Variants in CCDC178 observed in about 807,000 individuals in gnomAD.
CCDC178 encodes the protein coiled-coil domain-containing protein 178.
A neutral mutation model predicts 117.4 loss-of-function variants in CCDC178; 126 were observed. The observed-to-expected ratio is 1.07, with a 90% CI of 0.93 to 1.24. The LOEUF (loss-of-function observed/expected upper bound fraction) is 1.24, where lower values mean the gene tolerates loss of function less well. CCDC178 is among the 50% of genes most tolerant of loss of function. CCDC178 has a pLI of 0.00. For synonymous variants in CCDC178, 283 were observed against 313.4 expected (o/e 0.90, Z 1.02); for missense variants, 1,030 against 986.9 (o/e 1.04, Z -0.59).
At chr18:33,383,230 T>C (rs527526424) in intron 5 of CCDC178, among the ~76,000 whole-genome samples, 1 of 152,252 alleles carries the variant, frequency 6.6e-6, no homozygotes, top group East Asian at 1.9e-4. Flanking sequence ...ATCATTTCCC[T>C]GGGAAAGAGC....
intron 20 of CCDC178, among the ~76,000 whole-genome samples, chr18:33,118,516 C>A (rs1478747608): frequency 6.6e-6 from 1 of 152,076 alleles, no homozygotes; most frequent in Non-Finnish European, 1.5e-5. Context: ...TCAAGAACTA[C>A]AAACCACTGC....
chr18:33,046,861 A>C (rs2056653474), intron 21 of CCDC178, among the ~76,000 whole-genome samples: 1 of 152,240 alleles, frequency 6.6e-6, no homozygotes, highest in Admixed American at 6.5e-5. Flanking sequence ...AAGGTAATTT[A>C]AACTTTTATT....
chr18:33,259,223 TTAAG>T (rs2059713899), intron 14 of CCDC178, among the ~76,000 whole-genome samples: 1 of 152,164 alleles, frequency 6.6e-6, no homozygotes, highest in Admixed American at 6.5e-5. Flanking sequence ...AACCACAGAA[TTAAG>T]TTTTTTTGCT....
At chr18:33,317,599 A>G (rs8094552) in intron 11 of CCDC178, among the ~76,000 whole-genome samples, 55,211 of 151,754 alleles carry the variant, frequency 0.36, 10,254 homozygotes, top group East Asian at 0.49. Context: ...ATCCAAGAAC[A>G]CTCTCTTGGG....
At chr18:33,221,160 C>T (rs2059229167) in intron 18 of CCDC178, among the ~76,000 whole-genome samples, 1 of 152,082 alleles carries the variant, frequency 6.6e-6, no homozygotes, top group Non-Finnish European at 1.5e-5. Context: ...GCTACACTCT[C>T]TTTCACCTGA....
chr18:33,185,196 C>T (rs534696920), intron 20 of CCDC178, among the ~76,000 whole-genome samples: 9 of 151,872 alleles, frequency 5.9e-5, no homozygotes, highest in Non-Finnish European at 1.3e-4. Context: ...CATCCTGCAT[C>T]ACAATTACTA....
rs34863142 is a variant in CCDC178, at chr18:32,978,203, ATTTTTTTTTTTTT to A, written c.2389-3535_2389-3523del. On this transcript the variant is annotated intron_variant, in intron 21 of 22. Transcript: ENST00000383096. ...AAGAAAGAGTAATATCTCAAAAAAGATTTTTTTTTTTTTTTTTTTTTTTTGCGGGGAAATCAAT... is the reference window on the plus strand; with the variant it reads ...AAGAAAGAGTAATATCTCAAAAAAGATTTTTTTTTTTGCGGGGAAATCAAT... 1.4e-4 allele frequency among the ~76,000 whole-genome samples: 13 copies of A among 90,042 alleles called. No individual in the cohort carries two copies. The East Asian group carries it at 4.5e-3, about 31-fold the overall frequency. 59.1% of individuals were successfully genotyped at this position (90,042 alleles called of 152,430 possible). A position where few individuals can be genotyped will look rare whatever the true frequency, so the allele number is the denominator to read the frequency against.
At chr18:33,266,784 T>G in intron 14 of CCDC178, 132 bp downstream of exon 14, 1 of 942,064 alleles carries the variant, frequency 1.1e-6, no homozygotes, top group Non-Finnish European at 1.5e-6. Context: ...ACATTTTGAA[T>G]AGAACTTAAA....
intron 20 of CCDC178, among the ~76,000 whole-genome samples, chr18:33,168,950 T>C (rs551672591): frequency 6.6e-6 from 1 of 152,356 alleles, no homozygotes; most frequent in Non-Finnish European, 1.5e-5. Flanking sequence ...GTTATGGTTT[T>C]TGACAGCTAT....
intron 20 of CCDC178, among the ~76,000 whole-genome samples, chr18:33,150,503 C>T (rs1057060704): frequency 7.2e-5 from 11 of 152,190 alleles, no homozygotes; most frequent in African/African-American, 2.2e-4. Context: ...GACTAATATC[C>T]GGCATCTACG....
At chr18:33,438,408 C>G (rs952151450) in intron 2 of CCDC178, among the ~76,000 whole-genome samples, 1 of 152,150 alleles carries the variant, frequency 6.6e-6, no homozygotes, top group Non-Finnish European at 1.5e-5. Context: ...CTAGCAAGAT[C>G]TGAATAAATA....
At chr18:33,250,233 T>C (rs569324856) in intron 14 of CCDC178, among the ~76,000 whole-genome samples, 4 of 151,938 alleles carry the variant, frequency 2.6e-5, no homozygotes, top group African/African-American at 9.6e-5. Flanking sequence ...ATAACTATTT[T>C]AAAAATAGGA....
intron 21 of CCDC178, among the ~76,000 whole-genome samples, chr18:33,046,094 T>C (rs779797122): frequency 3.2e-4 from 48 of 152,100 alleles, no homozygotes; most frequent in Non-Finnish European, 4.6e-4. Context: ...TAATATTTAG[T>C]AAGATAGTAG....
chr18:33,133,803 T>C (rs1162356970), intron 20 of CCDC178, among the ~76,000 whole-genome samples: 1 of 151,970 alleles, frequency 6.6e-6, no homozygotes, highest in Non-Finnish European at 1.5e-5. Context: ...TTGTCTAAAA[T>C]TTCTGGGACG....
chr18:33,118,964 C>T (rs1340671904), intron 20 of CCDC178, among the ~76,000 whole-genome samples: 1 of 152,070 alleles, frequency 6.6e-6, no homozygotes, highest in Non-Finnish European at 1.5e-5. Flanking sequence ...ATAAATGATG[C>T]TGGGAAAACT....
At chr18:33,223,735 T>G (rs2059267614) in intron 17 of CCDC178, among the ~76,000 whole-genome samples, 1 of 152,176 alleles carries the variant, frequency 6.6e-6, no homozygotes, top group Non-Finnish European at 1.5e-5. Flanking sequence ...ATTATTGTAC[T>G]CAGACAACCT....
chr18:33,023,364 T>C (rs2056161238), intron 21 of CCDC178, among the ~76,000 whole-genome samples: 2 of 152,122 alleles, frequency 1.3e-5, no homozygotes, highest in Admixed American at 6.5e-5. Context: ...TATAAAAGAA[T>C]TGAAATCATA....
At chr18:33,431,151 A>G (rs1235845834) in intron 2 of CCDC178, among the ~76,000 whole-genome samples, 2 of 151,024 alleles carry the variant, frequency 1.3e-5, no homozygotes, top group Admixed American at 1.3e-4. Context: ...CTCAAAACCA[A>G]AAGAATGAAG....
chr18:33,343,219 T>C (rs12956658), intron 9 of CCDC178, among the ~76,000 whole-genome samples: 66,085 of 151,960 alleles, frequency 0.43, 15,844 homozygotes, highest in African/African-American at 0.65. Flanking sequence ...TGGGAATACC[T>C]GAGGAGCCTG....
Sources: gnomAD v4.1 joint callset for allele counts (sites outside exome capture counted in the v4.1 genomes callset) on GRCh38, gnomAD v4.1.1 for gene constraint, MANE v1.5 for transcripts, NCBI Gene and HGNC (gene_info 2026-07-23, HGNC 2026-07-21) for gene names.